The following EFTUD2 variants were observed in gnomAD, a reference collection of about 807,000 sequenced individuals.
The protein encoded by EFTUD2 is elongation factor Tu GTP binding domain containing 2, also known as 116 kDa U5 small nuclear ribonucleoprotein component.
A neutral mutation model predicts 114.3 loss-of-function variants in EFTUD2; 9 were observed. That is an observed-to-expected ratio of 0.08 (90% CI 0.05 to 0.14). The LOEUF (loss-of-function observed/expected upper bound fraction) is 0.14, where lower values mean the gene tolerates loss of function less well. EFTUD2 is among the 10% of genes least tolerant of loss of function. The pLI is 1.00. For synonymous variants in EFTUD2, 449 were observed against 462.3 expected (o/e 0.97, Z 0.37); for missense variants, 765 against 1,241.2 (o/e 0.62, Z 5.76).
intron 20 of EFTUD2, 96 bp from the exon 21 acceptor site, chr17:44,855,100 G>C: frequency 8.6e-7 from 1 of 1,159,766 alleles, no homozygotes; most frequent in Non-Finnish European, 1.3e-6. Context: ...CTGAGGAAGT[G>C]ACATCAGTGA....
intron 2 of EFTUD2, chr17:44,892,240 C>A (rs1254568492): frequency 1.3e-5 from 2 of 152,204 alleles, no homozygotes; most frequent in Non-Finnish European, 2.9e-5. Flanking sequence ...GTAATCTCAG[C>A]ATTTTGGGAG....
In EFTUD2 at chr17:44,896,471, C is replaced by A. The variant is rs762403420; in HGVS notation, c.-4-1946G>T. Among the ~76,000 whole-genome samples, 3 of 152,024 alleles carry A rather than the reference C, an allele frequency of 2.0e-5. No homozygotes were observed. In the South Asian group the frequency reaches 6.2e-4, roughly 32 times the overall value. On this transcript the variant is annotated intron_variant, in intron 1 of 27. Coordinates refer to ENST00000426333, the MANE Select transcript of EFTUD2 (RefSeq NM_004247.4). ...GACCATCCTGGCTAACACAGTGAAA[C>A]CCCGTCTCTACTAAAAATACAAAAA...
At chr17:44,857,944 C>CA (rs1354992053) in intron 19 of EFTUD2, among the ~76,000 whole-genome samples, 2 of 90,422 alleles carry the variant, frequency 2.2e-5, no homozygotes, top group Non-Finnish European at 4.5e-5. Context: ...TTTTTTGAGA[C>CA]AGAGTCTCGC....
chr17:44,892,958 T>C (rs868083046), intron 2 of EFTUD2, among the ~76,000 whole-genome samples: 15 of 151,982 alleles, frequency 9.9e-5, no homozygotes, highest in African/African-American at 3.6e-4. Context: ...GAAAAAAAAA[T>C]GCTGGTTTAT....
chr17:44,860,714 G>A (rs1273824569), intron 16 of EFTUD2, among the ~76,000 whole-genome samples, 171 bp from the exon 17 acceptor site: 5 of 150,492 alleles, frequency 3.3e-5, no homozygotes, highest in African/African-American at 4.9e-5. Context: ...ATCCTTCTGC[G>A]TCAGCCCCCC....
intron 2 of EFTUD2, among the ~76,000 whole-genome samples, chr17:44,887,856 C>T (rs2051202177): frequency 6.6e-6 from 1 of 152,190 alleles, no homozygotes; most frequent in Admixed American, 6.5e-5. Flanking sequence ...AACCCATAGT[C>T]ATATGCAACA....
At chr17:44,860,398 A>T in intron 17 of EFTUD2, 34 bp downstream of exon 17, 1 of 1,490,278 alleles carries the variant, frequency 6.7e-7, no homozygotes, top group Non-Finnish European at 9.4e-7. Context: ...CATCTAGCTT[A>T]AGCCAACCCA....
chr17:44,894,486 A>G lies in EFTUD2; in HGVS notation c.36T>C (p.Tyr12=), dbSNP rs2051341403. ...CATCAGAATCAAGCTCTGGTCCAATATAATTCCCAAACTCATCATATAAGT... is the reference window on the plus strand; with the variant it reads ...CATCAGAATCAAGCTCTGGTCCAATGTAATTCCCAAACTCATCATATAAGT... ...DTDLYDEFGN[Y]IGPELDSDED... The change falls in exon 2 of 28, where the codon TAT becomes TAC. Residue 12 remains tyrosine (Y), a synonymous_variant. Coordinates refer to ENST00000426333, the MANE Select transcript of EFTUD2 (RefSeq NM_004247.4). 4 of 1,614,150 alleles carry G rather than the reference A, an allele frequency of 2.5e-6. No individual in the cohort carries two copies. The highest frequency in any genetic ancestry group is 3.4e-6 in the Non-Finnish European group (4 of 1,179,984).
rs2050510221 is a variant in EFTUD2, at chr17:44,854,409, A to G, written c.2260-53T>C. ...CAGTCGCCCTGGCAACGGCTGAAGC[A>G]TTTAGAGGGAGAAGACAGATGTGCC... is the stretch of plus-strand genomic sequence containing the variant. On this transcript the variant is annotated intron_variant, in intron 22 of 27. Transcript: ENST00000426333. This position sits in a 1 kb window ranked among gnomAD's most constrained non-coding sequence, Gnocchi z 4.3. 6.3e-7 allele frequency: 1 copy of G among 1,593,950 alleles called. No homozygotes were observed. The highest frequency in any genetic ancestry group is 8.6e-7 in the Non-Finnish European group (1 of 1,167,390).
At chr17:44,883,237 C>A in intron 5 of EFTUD2, 79 bp from the exon 6 acceptor site, 1 of 1,343,684 alleles carries the variant, frequency 7.4e-7, no homozygotes, top group Non-Finnish European at 1.1e-6. Context: ...CCCAATACAC[C>A]ACATAATTTA....
At position 44,854,328 on chromosome 17, in the gene EFTUD2, T is replaced by C. The variant is rs1458582997; in HGVS notation, c.2288A>G (p.Lys763Arg). The C allele has an allele frequency of 6.2e-7, 1 of 1,613,950 alleles. No homozygotes were observed. The highest frequency in any genetic ancestry group is 1.7e-5 in the Admixed American group (1 of 59,980). ...CTGGAAACCTTGAACGATGCTGTCCTTCACTGAACCAAGAAGAGCCTTGTC... is the reference window on the plus strand; with the variant it reads ...CTGGAAACCTTGAACGATGCTGTCCCTCACTGAACCAAGAAGAGCCTTGTC... Reference protein sequence around the residue: ...EVDKALLGSVKDSIVQGFQWG... With the variant: ...EVDKALLGSVRDSIVQGFQWG... Residue 763 changes from lysine (K) to arginine (R), a missense_variant, in exon 23 of 28, where the codon AAG becomes AGG. Transcript: ENST00000426333. This position sits in a 1 kb window ranked among gnomAD's most constrained non-coding sequence, Gnocchi z 4.3.
At chr17:44,859,822 TGATG>T in intron 18 of EFTUD2, 79 bp downstream of exon 18, 1 of 1,597,540 alleles carries the variant, frequency 6.3e-7, no homozygotes, top group Non-Finnish European at 8.6e-7. Context: ...CATGAACACC[TGATG>T]GATGGGAAGC....
At chr17:44,891,219 T>C (rs1422679174) in intron 2 of EFTUD2, among the ~76,000 whole-genome samples, 1 of 152,126 alleles carries the variant, frequency 6.6e-6, no homozygotes, top group Non-Finnish European at 1.5e-5. Flanking sequence ...ATACATAAAT[T>C]ACAAAGAACT....
chr17:44,876,399 A>C (rs982764776), intron 9 of EFTUD2, among the ~76,000 whole-genome samples: 1 of 152,152 alleles, frequency 6.6e-6, no homozygotes, highest in Admixed American at 6.6e-5. Flanking sequence ...GCTGAAATGG[A>C]ATTGGGGGTA....
intron 5 of EFTUD2, 85 bp from the exon 6 acceptor site, chr17:44,883,243 A>G (rs2051105464): frequency 7.9e-7 from 1 of 1,272,108 alleles, no homozygotes; most frequent in Middle Eastern, 1.9e-4. Flanking sequence ...ACACCACATA[A>G]TTTAGGGATA....
At chr17:44,876,324 G>C (rs1190615465) in intron 9 of EFTUD2, among the ~76,000 whole-genome samples, 1 of 152,196 alleles carries the variant, frequency 6.6e-6, no homozygotes, top group Non-Finnish European at 1.5e-5. Context: ...CATGAACAAT[G>C]ATGTTGGGAG....
chr17:44,897,092 C>T (rs544800756), intron 1 of EFTUD2, among the ~76,000 whole-genome samples: 7 of 151,418 alleles, frequency 4.6e-5, no homozygotes, highest in African/African-American at 1.5e-4. Flanking sequence ...GGTGGGCGCC[C>T]GTAGTCCCAG....
At chr17:44,868,161 G>A (rs1216015268) in intron 12 of EFTUD2, 126 bp downstream of exon 12, 34 of 925,218 alleles carry the variant, frequency 3.7e-5, no homozygotes, top group African/African-American at 6.9e-5. Context: ...GAGGAAAGAC[G>A]GTAGTTTACA....
rs1380656656 is a variant in EFTUD2 at position 44,881,514 on chromosome 17, A to G, written c.528+173T>C. Reference sequence around the variant, plus strand: ...CAGCTTGCCTACCCAGTTCTTTTTCAAGTTATAACCCTGGAGTAACTGGGG... The same window carrying G: ...CAGCTTGCCTACCCAGTTCTTTTTCGAGTTATAACCCTGGAGTAACTGGGG... On this transcript the variant is annotated intron_variant, in intron 7 of 27. Coordinates refer to ENST00000426333, the MANE Select transcript of EFTUD2 (RefSeq NM_004247.4). 2.6e-5 allele frequency among the ~76,000 whole-genome samples: 4 copies of G among 152,210 alleles called. No homozygotes were observed. In the East Asian group the frequency reaches 7.7e-4, roughly 29 times the overall value.
Sources: gnomAD v4.1 joint callset for allele counts (sites outside exome capture counted in the v4.1 genomes callset) on GRCh38, gnomAD v4.1.1 for gene constraint, Gnocchi (gnomAD v3.1) non-coding constraint, MANE v1.5 for transcripts, NCBI Gene and HGNC (gene_info 2026-07-23, HGNC 2026-07-21) for gene names.